The following WNT7B variants were observed in gnomAD, a reference collection of about 807,000 sequenced individuals.
WNT7B encodes protein Wnt-7b.
WNT7B carries 19 observed loss-of-function variants against 38.2 expected under a neutral mutation model. The observed-to-expected ratio is 0.50, with a 90% CI of 0.35 to 0.73. The LOEUF (loss-of-function observed/expected upper bound fraction) is 0.73. Ranked by LOEUF, WNT7B falls within the 30% of genes least tolerant of loss-of-function variation. The probability of loss-of-function intolerance (pLI) is 0.01; values close to 1 mark genes in which losing one functional copy is unlikely to be tolerated. For synonymous variants in WNT7B, 243 were observed against 209.3 expected (o/e 1.16, Z -1.39); for missense variants, 423 against 507.9 (o/e 0.83, Z 1.61).
chr22:45,922,762 T>C lies in WNT7B; in HGVS notation c.*94A>G. ...CCCCGCTTCTGCACCCGTCTATGTC[T>C]GCTGCTGGCAGCACCAAGGCAGGGA... On this transcript the variant is annotated 3_prime_UTR_variant, in exon 4 of 4. Coordinates refer to ENST00000339464, the MANE Select transcript of WNT7B (RefSeq NM_058238.3). 6.6e-7 allele frequency: 1 copy of C among 1,525,538 alleles called. No homozygotes were observed. The highest frequency in any genetic ancestry group is 8.8e-7 in the Non-Finnish European group (1 of 1,136,592). The allele number at this position is 1,525,538 out of a possible 1,614,324, so 94.5% of individuals were successfully genotyped here.
intron 1 of WNT7B, chr22:45,954,768 C>T (rs4072104): frequency 0.42 from 412,779 of 984,536 alleles, 87,188 homozygotes; most frequent in South Asian, 0.58. Context: ...TGTTTGTGTT[C>T]CCACTAAAAA....
intron 1 of WNT7B, among the ~76,000 whole-genome samples, chr22:45,974,048 C>T (rs1932504778): frequency 1.3e-5 from 2 of 152,128 alleles, no homozygotes; most frequent in Admixed American, 1.3e-4. Context: ...CTGGAGGAGT[C>T]CCCAGGGTGT....
intron 3 of WNT7B, among the ~76,000 whole-genome samples, chr22:45,929,758 A>G (rs1931255654): frequency 6.7e-6 from 1 of 149,350 alleles, no homozygotes; most frequent in Non-Finnish European, 1.5e-5. Flanking sequence ...CCTTTCATTC[A>G]TCTGTCTACT....
At chr22:45,929,724 TCACCCATCCACC>T (rs1001981403) in intron 3 of WNT7B, among the ~76,000 whole-genome samples, 4 of 104,514 alleles carry the variant, frequency 3.8e-5, no homozygotes, top group African/African-American at 1.4e-4. Context: ...GTGAATCCAC[TCACCCATCCACC>T]CACCGATCCA....
At position 45,975,958 on chromosome 22, in the gene WNT7B, G is replaced by A. The variant is rs1932540704; in HGVS notation, c.71+726C>T. The A allele has an allele frequency of 6.6e-6, 1 of 151,994 alleles. No homozygotes were observed. The highest frequency in any genetic ancestry group is 1.5e-5 in the Non-Finnish European group (1 of 68,610). 9.4% of individuals were successfully genotyped at this position (151,994 alleles called of 1,614,324 possible). On this transcript the variant is annotated intron_variant, in intron 1 of 3. Coordinates refer to ENST00000339464, the MANE Select transcript of WNT7B (RefSeq NM_058238.3). The surrounding 1 kb of genome is among the most constrained non-coding windows in gnomAD (Gnocchi z 6.6). Reference sequence around the variant, plus strand: ...GTTCAGGAATGTGGAAATACGACTCGGAGCAGCTACCGCAGAGAGCAGCTA... The same window carrying A: ...GTTCAGGAATGTGGAAATACGACTCAGAGCAGCTACCGCAGAGAGCAGCTA...
chr22:45,960,395 C>T (rs540454827), intron 1 of WNT7B, among the ~76,000 whole-genome samples: 2 of 152,318 alleles, frequency 1.3e-5, no homozygotes, highest in East Asian at 3.9e-4. Context: ...GCGGCAGACT[C>T]CCCAGGGCAG....
chr22:45,976,253 C>A lies in WNT7B; in HGVS notation c.71+431G>T, dbSNP rs1199718471. Among the ~76,000 whole-genome samples, 6 of 146,708 alleles carry A rather than the reference C, an allele frequency of 4.1e-5. No homozygotes were observed. The highest frequency in any genetic ancestry group is 7.3e-5 in the African/African-American group (3 of 40,876). The stretch of plus-strand genomic sequence containing the variant: ...GCCGGGTGCGCGCCCCCCGCCCTCC[C>A]GGGCCTCCGCAGGCGCCGGACGCCC... On this transcript the variant is annotated intron_variant, in intron 1 of 3. Coordinates refer to ENST00000339464, the MANE Select transcript of WNT7B (RefSeq NM_058238.3). The surrounding 1 kb of genome is among the most constrained non-coding windows in gnomAD (Gnocchi z 8.5).
intron 2 of WNT7B, among the ~76,000 whole-genome samples, chr22:45,931,588 C>T (rs2146713865): frequency 6.6e-6 from 1 of 152,068 alleles, no homozygotes; most frequent in Non-Finnish European, 1.5e-5. Context: ...CAGCAGGCCC[C>T]AGGTCACCCT....
chr22:45,944,328 C>T (rs9778248), intron 2 of WNT7B, among the ~76,000 whole-genome samples: 1,881 of 152,292 alleles, frequency 0.012, 45 homozygotes, highest in African/African-American at 0.043. Flanking sequence ...CTCCATGCCA[C>T]CCCCAGGAAG....
At chr22:45,948,228 T>C (rs1931843506) in intron 2 of WNT7B, among the ~76,000 whole-genome samples, 1 of 152,216 alleles carries the variant, frequency 6.6e-6, no homozygotes, top group African/African-American at 2.4e-5. Flanking sequence ...GGCAGGCAGA[T>C]GGGCCCTGGC....
rs1932287845 is a variant in WNT7B at position 45,965,294 on chromosome 22, C to G, written c.71+11390G>C. Among the ~76,000 whole-genome samples the G allele has an allele frequency of 6.6e-6, 1 of 152,202 alleles. No homozygotes were observed. Among genetic ancestry groups the G allele is most frequent in the African/African-American group, 2.4e-5 (1 of 41,456 alleles). ...CACCCTCATCACAGATGGCTTAGAG[C>G]TCCTGCTGTGGGTCCCACAGGGCTT... On this transcript the variant is annotated intron_variant, in intron 1 of 3. Coordinates refer to ENST00000339464, the MANE Select transcript of WNT7B (RefSeq NM_058238.3). The surrounding 1 kb of genome is among the most constrained non-coding windows in gnomAD (Gnocchi z 6.5).
intron 2 of WNT7B, among the ~76,000 whole-genome samples, chr22:45,937,050 A>T (rs1209557217): frequency 2.0e-5 from 3 of 152,228 alleles, no homozygotes; most frequent in African/African-American, 7.2e-5. Context: ...AGGAGGTGGG[A>T]GAGGTACTTG....
At chr22:45,950,811 G>T (rs1931915204) in intron 1 of WNT7B, among the ~76,000 whole-genome samples, 2 of 152,264 alleles carry the variant, frequency 1.3e-5, no homozygotes, top group African/African-American at 2.4e-5. Flanking sequence ...CACCGGGAAT[G>T]GTGGCTGTTG....
chr22:45,932,841 G>T (rs1250833593), intron 2 of WNT7B, among the ~76,000 whole-genome samples: 1 of 152,224 alleles, frequency 6.6e-6, no homozygotes, highest in Non-Finnish European at 1.5e-5. Context: ...CACACTGCTG[G>T]CATGGTGCAG....
intron 1 of WNT7B, among the ~76,000 whole-genome samples, chr22:45,958,680 GCGA>G (rs1932126949): frequency 6.6e-6 from 1 of 152,208 alleles, no homozygotes; most frequent in South Asian, 2.1e-4. Flanking sequence ...AAGGCAGGGA[GCGA>G]GCACGGCTGG....
intron 3 of WNT7B, chr22:45,926,983 C>A (rs998468924): frequency 1.0e-6 from 1 of 985,334 alleles, no homozygotes; most frequent in African/African-American, 1.7e-5. Context: ...GGGTTCCCAC[C>A]CCCTGGCTCC....
intron 2 of WNT7B, among the ~76,000 whole-genome samples, chr22:45,932,975 A>G (rs940459335): frequency 1.3e-5 from 2 of 152,204 alleles, no homozygotes; most frequent in African/African-American, 4.8e-5. Flanking sequence ...ATGAACAACT[A>G]CTGAGCACCA....
intron 2 of WNT7B, among the ~76,000 whole-genome samples, chr22:45,938,429 G>T (rs1931564847): frequency 6.6e-6 from 1 of 152,106 alleles, no homozygotes; most frequent in South Asian, 2.1e-4. Flanking sequence ...CTGAGGTCAG[G>T]AGTTCAAGAC....
chr22:45,929,066 T>G (rs1931197494), intron 3 of WNT7B, among the ~76,000 whole-genome samples: 1 of 152,194 alleles, frequency 6.6e-6, no homozygotes, highest in Non-Finnish European at 1.5e-5. Flanking sequence ...TGAGAGTTTC[T>G]TCCCCGGGGG....
Sources: gnomAD v4.1 joint callset for allele counts (sites outside exome capture counted in the v4.1 genomes callset) on GRCh38, gnomAD v4.1.1 for gene constraint, Gnocchi (gnomAD v3.1) non-coding constraint, MANE v1.5 for transcripts, NCBI Gene and HGNC (gene_info 2026-07-23, HGNC 2026-07-21) for gene names.